TJP1: variants seen among roughly 807,000 people sequenced by gnomAD.
The protein encoded by TJP1 is tight junction protein 1, also known as tight junction protein ZO-1.
Under a neutral mutation model 194.2 loss-of-function variants are expected in TJP1, and 43 were observed. The observed-to-expected ratio is 0.22, with a 90% CI of 0.17 to 0.29. The LOEUF is 0.29. TJP1 is among the 10% of genes least tolerant of loss of function. The pLI is 1.00. For missense variants in TJP1, 1,971 were observed against 2,185.7 expected (o/e 0.90, Z 1.96); for synonymous variants, 801 against 779.0 (o/e 1.03, Z -0.47).
Position 29,718,118 on chromosome 15 carries a change from G to A in TJP1, c.3877C>T (p.Pro1293Ser). ...GAAGGTTTAGATGCTACTTCTGGAGGCTGTTTAAAAAAAAAAAAAAAAAAA... is the reference window on the plus strand; with the variant it reads ...GAAGGTTTAGATGCTACTTCTGGAGACTGTTTAAAAAAAAAAAAAAAAAAA... ...KDVNDTGSFK[P>S]PEVASKPSGA... The change falls in exon 22 of 28, where the codon CCT becomes TCT. Residue 1293 changes from proline to serine, a missense_variant and splice_region_variant. Transcript: ENST00000614355. 2 of 1,572,696 alleles carry A rather than the reference G, an allele frequency of 1.3e-6. No individual in the cohort carries two copies. The highest frequency in any genetic ancestry group is 1.7e-6 in the Non-Finnish European group (2 of 1,164,018).
intron 2 of TJP1, among the ~76,000 whole-genome samples, chr15:29,840,917 G>A (rs954303075): frequency 6.6e-6 from 1 of 152,192 alleles, no homozygotes; most frequent in Non-Finnish European, 1.5e-5. Flanking sequence ...GAGCATAACT[G>A]AGACTTCGGG....
chr15:29,961,972 A>G (rs2056180595), intron 1 of TJP1, among the ~76,000 whole-genome samples: 1 of 152,188 alleles, frequency 6.6e-6, no homozygotes, highest in Admixed American at 6.5e-5. Flanking sequence ...GGTCAAGGAC[A>G]TGCAGGAGAA....
At chr15:29,723,036 T>G (rs2043027248) in intron 18 of TJP1, among the ~76,000 whole-genome samples, 1 of 152,228 alleles carries the variant, frequency 6.6e-6, no homozygotes, top group Non-Finnish European at 1.5e-5. Context: ...AACTTGTTTT[T>G]GATTTTACAG....
intron 2 of TJP1, among the ~76,000 whole-genome samples, chr15:29,931,808 A>G (rs2152271200): frequency 1.3e-5 from 2 of 152,264 alleles, no homozygotes; most frequent in Admixed American, 1.3e-4. Flanking sequence ...AAGAACGGCT[A>G]CTCTATAGAC....
intron 2 of TJP1, among the ~76,000 whole-genome samples, chr15:29,895,958 C>T (rs2053464254): frequency 6.6e-6 from 1 of 152,182 alleles, no homozygotes; most frequent in Non-Finnish European, 1.5e-5. Context: ...CTTCTTCTGT[C>T]CTCACGTGAT....
intron 2 of TJP1, among the ~76,000 whole-genome samples, chr15:29,949,417 TACCTCCACAACCACCACCTCC>T (rs1596309952): frequency 3.4e-5 from 2 of 58,532 alleles, no homozygotes; most frequent in African/African-American, 6.3e-5. Context: ...CCACCACCTC[TACCTCCACAACCACCACCTCC>T]ACCTCCACCT....
rs1362088367 is a variant in TJP1 at position 29,720,784 on chromosome 15, T to C, written c.2413-76A>G. On this transcript the variant is annotated intron_variant, in intron 18 of 27. Transcript: ENST00000614355. Reference sequence around the variant, plus strand: ...GATGGCCTTTATCGTACAAGGCAGATTGAAAAGGATATCTTTCTCTGGAGA... The same window carrying C: ...GATGGCCTTTATCGTACAAGGCAGACTGAAAAGGATATCTTTCTCTGGAGA... 9 of 1,142,126 alleles carry C rather than the reference T, an allele frequency of 7.9e-6. No homozygotes were observed. The East Asian group carries it at 2.0e-4, about 25-fold the overall frequency. The allele number at this position is 1,142,126 out of a possible 1,614,324, so 70.7% of individuals were successfully genotyped here.
At chr15:29,912,921 G>T (rs2152229783) in intron 2 of TJP1, among the ~76,000 whole-genome samples, 1 of 152,276 alleles carries the variant, frequency 6.6e-6, no homozygotes, top group African/African-American at 2.4e-5. Context: ...TAACTTAGTA[G>T]ATGCGCCAGC....
intron 2 of TJP1, among the ~76,000 whole-genome samples, chr15:29,856,993 G>T (rs2051880923): frequency 6.6e-6 from 1 of 151,952 alleles, no homozygotes; most frequent in Admixed American, 6.6e-5. Context: ...AAGTACTCTA[G>T]AGATGATTTA....
chr15:29,833,292 G>A (rs1356010363), intron 2 of TJP1, among the ~76,000 whole-genome samples: 3 of 152,118 alleles, frequency 2.0e-5, no homozygotes, highest in African/African-American at 7.2e-5. Flanking sequence ...ATACGTATAA[G>A]GATTGTGTAG....
chr15:29,799,511 T>A (rs1324998075), intron 2 of TJP1, among the ~76,000 whole-genome samples: 1 of 151,444 alleles, frequency 6.6e-6, no homozygotes, highest in African/African-American at 2.4e-5. Flanking sequence ...GCCTCCTGGG[T>A]TCACGCCATT....
chr15:29,892,225 C>T (rs1281753428), intron 2 of TJP1, among the ~76,000 whole-genome samples: 1 of 152,196 alleles, frequency 6.6e-6, no homozygotes, highest in East Asian at 1.9e-4. Flanking sequence ...AAGGCCCTAA[C>T]TCTCTTCAAT....
chr15:29,848,789 G>A (rs1403127836), intron 2 of TJP1, among the ~76,000 whole-genome samples: 1 of 151,464 alleles, frequency 6.6e-6, no homozygotes, highest in Non-Finnish European at 1.5e-5. Context: ...AACCAGGGAG[G>A]CGGAGGTTGC....
At chr15:29,858,608 A>G (rs1184441896) in intron 2 of TJP1, among the ~76,000 whole-genome samples, 1 of 151,860 alleles carries the variant, frequency 6.6e-6, no homozygotes, top group Non-Finnish European at 1.5e-5. Context: ...CAGTGCCACA[A>G]TCACAGCTCA....
intron 18 of TJP1, 30 bp downstream of exon 18, chr15:29,726,349 A>C (rs4073316): frequency 1.9e-6 from 3 of 1,564,432 alleles, no homozygotes; most frequent in Non-Finnish European, 2.6e-6. Context: ...TTTACTGAAC[A>C]AGTCAAAAAA....
At chr15:29,943,135 C>T (rs979553808) in intron 2 of TJP1, among the ~76,000 whole-genome samples, 9 of 152,144 alleles carry the variant, frequency 5.9e-5, no homozygotes, top group Non-Finnish European at 1.2e-4. Flanking sequence ...ACTAGAAGAT[C>T]GCCACAAGGG....
intron 25 of TJP1, among the ~76,000 whole-genome samples, chr15:29,706,699 C>T (rs1308022694): frequency 6.6e-6 from 1 of 152,096 alleles, no homozygotes; most frequent in Non-Finnish European, 1.5e-5. Flanking sequence ...GTCTTGCTGT[C>T]ACCCAGGCTA....
At chr15:29,703,173 A>T (rs186218005) in intron 27 of TJP1, among the ~76,000 whole-genome samples, 1 of 152,210 alleles carries the variant, frequency 6.6e-6, no homozygotes, top group Admixed American at 6.5e-5. Context: ...TAAACAGGCC[A>T]GGCACGGTGG....
intron 2 of TJP1, among the ~76,000 whole-genome samples, chr15:29,791,079 T>C (rs1366568982): frequency 6.6e-6 from 1 of 150,922 alleles, no homozygotes; most frequent in African/African-American, 2.4e-5. Flanking sequence ...CAGGCTGGAG[T>C]GCAATGGCGC....
Sources: allele counts gnomAD v4.1 joint callset (sites outside exome capture counted in the v4.1 genomes callset), GRCh38; gene constraint gnomAD v4.1.1; transcripts MANE v1.5; gene names NCBI Gene and HGNC (gene_info 2026-07-23, HGNC 2026-07-21).